Variants in LDLRAD4 observed in about 807,000 individuals in gnomAD.
LDLRAD4 encodes low density lipoprotein receptor class A domain containing 4.
Under a neutral mutation model 17.0 loss-of-function variants are expected in LDLRAD4, and 5 were observed. The ratio of observed to expected loss-of-function variants is 0.29; its 90% CI spans 0.15 to 0.62. LDLRAD4 has a LOEUF of 0.62. LDLRAD4 is among the 20% of genes least tolerant of loss of function. LDLRAD4 has a pLI of 0.84. For synonymous variants in LDLRAD4, 168 were observed against 171.8 expected (o/e 0.98, Z 0.17); for missense variants, 340 against 424.7 (o/e 0.80, Z 1.75).
chr18:13,384,462 A>G (rs1425795618), intron 1 of LDLRAD4, among the ~76,000 whole-genome samples: 1 of 152,244 alleles, frequency 6.6e-6, no homozygotes, highest in African/African-American at 2.4e-5. Context: ...AATATGTGAT[A>G]CTTTTTTTAT....
intron 3 of LDLRAD4, among the ~76,000 whole-genome samples, chr18:13,454,076 C>CAAAAGGGGCAT (rs1404512102): frequency 1.3e-5 from 2 of 152,242 alleles, no homozygotes; most frequent in Non-Finnish European, 2.9e-5. Context: ...GGGTGTTCTC[C>CAAAAGGGGCAT]AAAAGGGGCA....
chr18:13,590,032 T>A (rs540980026), intron 3 of LDLRAD4, among the ~76,000 whole-genome samples: 5 of 148,412 alleles, frequency 3.4e-5, no homozygotes, highest in Non-Finnish European at 6.0e-5. Flanking sequence ...TGTATGGGTG[T>A]GCATGTGTGT....
intron 3 of LDLRAD4, among the ~76,000 whole-genome samples, chr18:13,441,319 G>T (rs2091008569): frequency 6.6e-6 from 1 of 152,186 alleles, no homozygotes; most frequent in South Asian, 2.1e-4. Flanking sequence ...CAGGCAGACA[G>T]CCTGCCTTTC....
At position 13,452,328 on chromosome 18, in the gene LDLRAD4, G is replaced by A. The variant is rs569382759; in HGVS notation, c.181+13944G>A. 2.1e-4 allele frequency among the ~76,000 whole-genome samples: 32 copies of A among 152,220 alleles called. 1 individual carries two copies. The highest frequency in any genetic ancestry group is 1.7e-3 in the Admixed American group (26 of 15,294). On this transcript the variant is annotated intron_variant, in intron 3 of 5. Coordinates refer to ENST00000359446, the Ensembl canonical transcript of LDLRAD4. ...GGCTCCTGGCCACCCTCCTTGCAGC[G>A]CTTGGAGGATGCAGCGGGTGCAGAC...
At chr18:13,220,665 C>T (rs2041399853) in intron 1 of LDLRAD4, among the ~76,000 whole-genome samples, 2 of 152,216 alleles carry the variant, frequency 1.3e-5, no homozygotes, top group Non-Finnish European at 2.9e-5. Context: ...AGAGCAAGGG[C>T]CCGTCTGCAG....
At chr18:13,590,622 C>T (rs757938793) in intron 3 of LDLRAD4, among the ~76,000 whole-genome samples, 1 of 152,190 alleles carries the variant, frequency 6.6e-6, no homozygotes, top group Non-Finnish European at 1.5e-5. Context: ...ACAATTTAAC[C>T]CAAAACCAAG....
At chr18:13,385,828 A>G (rs572454800) in intron 1 of LDLRAD4, among the ~76,000 whole-genome samples, 2 of 152,348 alleles carry the variant, frequency 1.3e-5, no homozygotes, top group East Asian at 3.9e-4. Flanking sequence ...CACATTTTCA[A>G]GCACTTCAAA....
chr18:13,566,025 G>A (rs1053312636), intron 3 of LDLRAD4, among the ~76,000 whole-genome samples: 3 of 152,170 alleles, frequency 2.0e-5, no homozygotes, highest in Non-Finnish European at 4.4e-5. Context: ...AATTTTCTCT[G>A]GGACCCGCAT....
intron 3 of LDLRAD4, chr18:13,522,306 A>G (rs1453383844): frequency 3.3e-5 from 5 of 152,220 alleles, no homozygotes; most frequent in Non-Finnish European, 7.3e-5. Flanking sequence ...AAAGTGGAAC[A>G]TTATACATGA....
chr18:13,561,221 G>C (rs1231719572), intron 3 of LDLRAD4, among the ~76,000 whole-genome samples: 3 of 152,236 alleles, frequency 2.0e-5, no homozygotes, highest in African/African-American at 7.2e-5. Flanking sequence ...CATGAAATGA[G>C]TGGGTGAATT....
chr18:13,280,676 A>T (rs2045212295), intron 1 of LDLRAD4, among the ~76,000 whole-genome samples: 1 of 152,218 alleles, frequency 6.6e-6, no homozygotes, highest in South Asian at 2.1e-4. Context: ...TCCGCATAAG[A>T]CAATGCAACC....
At chr18:13,437,834 C>T (rs1274766964) in intron 2 of LDLRAD4, among the ~76,000 whole-genome samples, 1 of 152,250 alleles carries the variant, frequency 6.6e-6, no homozygotes, top group South Asian at 2.1e-4. Flanking sequence ...CTGATGGCCC[C>T]TGCCACGGCT....
chr18:13,232,362 G>T (rs545162108), intron 1 of LDLRAD4, among the ~76,000 whole-genome samples: 1 of 152,292 alleles, frequency 6.6e-6, no homozygotes, highest in East Asian at 1.9e-4. Flanking sequence ...GCCCCTTTTT[G>T]CCTGGCATGG....
rs996827138 is a variant in LDLRAD4, at chr18:13,367,150, A to G, written c.-382-20191A>G. On this transcript the variant is annotated intron_variant, in intron 1 of 5. Coordinates refer to ENST00000359446, the Ensembl canonical transcript of LDLRAD4. The surrounding 1 kb of genome is among the most constrained non-coding windows in gnomAD (Gnocchi z 4.1). Reference sequence around the variant, plus strand: ...ACAGTCCTGTTGCTGTCCACAGGGAAGTCCTGTGGCTGTGGGAAGGAGGTT... The same window carrying G: ...ACAGTCCTGTTGCTGTCCACAGGGAGGTCCTGTGGCTGTGGGAAGGAGGTT... 6.6e-6 allele frequency among the ~76,000 whole-genome samples: 1 copy of G among 152,202 alleles called. No homozygotes were observed. Among genetic ancestry groups the G allele is most frequent in the Non-Finnish European group, 1.5e-5 (1 of 68,032 alleles).
intron 4 of LDLRAD4, among the ~76,000 whole-genome samples, chr18:13,630,750 A>T (rs2041590381): frequency 6.6e-6 from 1 of 152,224 alleles, no homozygotes; most frequent in Non-Finnish European, 1.5e-5. Context: ...ACAGTAAGAA[A>T]TACATTTTAT....
chr18:13,435,637 A>G (rs1489628483), intron 2 of LDLRAD4, among the ~76,000 whole-genome samples: 1 of 152,142 alleles, frequency 6.6e-6, no homozygotes, highest in Non-Finnish European at 1.5e-5. Flanking sequence ...TTGTAGAGAC[A>G]GGGTCTCGCT....
chr18:13,280,690 G>T (rs963905919), intron 1 of LDLRAD4, among the ~76,000 whole-genome samples: 5 of 152,206 alleles, frequency 3.3e-5, no homozygotes, highest in African/African-American at 1.2e-4. Context: ...TGCAACCTCA[G>T]ACTGAGATCT....
chr18:13,320,848 C>T (rs554673084), intron 1 of LDLRAD4, among the ~76,000 whole-genome samples: 6 of 152,280 alleles, frequency 3.9e-5, no homozygotes, highest in South Asian at 4.1e-4. Flanking sequence ...AAGTTTAATT[C>T]AGGAGTTCAA....
chr18:13,500,340 C>T (rs920666103), intron 3 of LDLRAD4, among the ~76,000 whole-genome samples: 5 of 152,182 alleles, frequency 3.3e-5, no homozygotes, highest in African/African-American at 1.2e-4. Flanking sequence ...TGGGGCTGTG[C>T]GGGACAGTGG....
Sources: gnomAD v4.1 joint callset for allele counts (sites outside exome capture counted in the v4.1 genomes callset) on GRCh38, gnomAD v4.1.1 for gene constraint, Gnocchi (gnomAD v3.1) non-coding constraint, MANE v1.5 for transcripts, NCBI Gene and HGNC (gene_info 2026-07-23, HGNC 2026-07-21) for gene names.